CPEB1: variants seen among roughly 807,000 people sequenced by gnomAD.
CPEB1 encodes the protein cytoplasmic polyadenylation element binding protein 1.
Under a neutral mutation model 65.8 loss-of-function variants are expected in CPEB1, and 7 were observed. That is an observed-to-expected ratio of 0.11 (90% CI 0.06 to 0.20). The LOEUF (loss-of-function observed/expected upper bound fraction) is 0.20, where lower values mean the gene tolerates loss of function less well. Ranked by LOEUF, CPEB1 falls within the 10% of genes least tolerant of loss-of-function variation. The probability of loss-of-function intolerance (pLI) is 1.00; values close to 1 mark genes in which losing one functional copy is unlikely to be tolerated. For synonymous variants in CPEB1, 262 were observed against 260.0 expected (o/e 1.01, Z -0.08); for missense variants, 551 against 712.2 (o/e 0.77, Z 2.58).
intron 4 of CPEB1, among the ~76,000 whole-genome samples, chr15:82,567,014 C>T (rs2039242711): frequency 6.6e-6 from 1 of 152,138 alleles, no homozygotes; most frequent in Admixed American, 6.5e-5. Context: ...AACACAGTGG[C>T]TCAGCACTCA....
At chr15:82,628,012 T>G in intron 2 of CPEB1, 2 of 579,106 alleles carry the variant, frequency 3.5e-6, no homozygotes, top group South Asian at 4.8e-5. Flanking sequence ...TAAGTCAGCC[T>G]CCAGATCAAG....
rs2045092636 is a variant in CPEB1, at chr15:82,619,497, G to A, written c.271+7696C>T. ...AAAAGACGCCAATTAAGAGTACAAAGACAAATCACAGACTCAAAGAAAATA... is the reference window on the plus strand; with the variant it reads ...AAAAGACGCCAATTAAGAGTACAAAAACAAATCACAGACTCAAAGAAAATA... On this transcript the variant is annotated intron_variant, in intron 3 of 12. Coordinates refer to ENST00000684509, the MANE Select transcript of CPEB1 (RefSeq NM_001365242.1). Among the ~76,000 whole-genome samples, 3 of 152,208 alleles carry A rather than the reference G, an allele frequency of 2.0e-5. No individual in the cohort carries two copies. In the South Asian group the frequency reaches 6.2e-4, roughly 32 times the overall value.
intron 3 of CPEB1, among the ~76,000 whole-genome samples, chr15:82,598,534 C>T: frequency 6.7e-6 from 1 of 149,762 alleles, no homozygotes; most frequent in African/African-American, 2.5e-5. Context: ...CCTATAATCT[C>T]AGTATTTTGG....
chr15:82,607,975 A>G (rs2043783627), intron 3 of CPEB1, among the ~76,000 whole-genome samples: 1 of 152,192 alleles, frequency 6.6e-6, no homozygotes. Flanking sequence ...AGTCTTTGAC[A>G]AGGGGCCCAG....
intron 3 of CPEB1, chr15:82,573,260 T>C (rs938581509): frequency 2.7e-6 from 3 of 1,122,028 alleles, no homozygotes; most frequent in Admixed American, 2.8e-5. Context: ...AAAGCTTTGC[T>C]GCTGTGTCAT....
At chr15:82,625,539 A>C (rs2045686011) in intron 3 of CPEB1, among the ~76,000 whole-genome samples, 2 of 152,234 alleles carry the variant, frequency 1.3e-5, no homozygotes, top group African/African-American at 2.4e-5. Flanking sequence ...CAGGACCCCC[A>C]GAGTATACCA....
intron 4 of CPEB1, among the ~76,000 whole-genome samples, chr15:82,560,769 T>A (rs2038060799): frequency 6.6e-6 from 1 of 152,146 alleles, no homozygotes; most frequent in African/African-American, 2.4e-5. Context: ...CAAAGAAGGC[T>A]GACCAGGGAA....
intron 3 of CPEB1, among the ~76,000 whole-genome samples, chr15:82,588,589 G>C (rs1225856792): frequency 6.6e-6 from 1 of 152,052 alleles, no homozygotes; most frequent in East Asian, 1.9e-4. Context: ...GAGCATTCAG[G>C]CTGCTTCTAG....
intron 3 of CPEB1, among the ~76,000 whole-genome samples, chr15:82,621,759 T>C (rs2045323655): frequency 1.3e-5 from 2 of 152,240 alleles, no homozygotes; most frequent in Non-Finnish European, 2.9e-5. Flanking sequence ...TCTTCGCCTA[T>C]GATACAGCAT....
chr15:82,545,134 CT>C (rs2034936869), intron 12 of CPEB1, among the ~76,000 whole-genome samples: 1 of 152,186 alleles, frequency 6.6e-6, no homozygotes, highest in Admixed American at 6.5e-5. Flanking sequence ...GGAGAGGTGA[CT>C]GGGTTTCTCA....
At chr15:82,584,258 CAAAAAAA>C (rs71156038) in intron 3 of CPEB1, among the ~76,000 whole-genome samples, 2 of 53,288 alleles carry the variant, frequency 3.8e-5, no homozygotes, top group Non-Finnish European at 6.5e-5. Context: ...GACTCCGTCT[CAAAAAAA>C]AAAAAAAAAA....
chr15:82,549,475 G>A lies in CPEB1; in HGVS notation c.1465C>T (p.His489Tyr). The A allele has an allele frequency of 6.2e-7, 1 of 1,614,194 alleles. No homozygotes were observed. ...GGACACTTACCAATGGGATACTTGT[G>A]CTTATCTGTGTCAATCCCGGCATAC... ...VVYAGIDTDK[H>Y]KYPIGSGRVT... The change falls in exon 10 of 13, where the codon CAC becomes TAC. Residue 489 changes from histidine (H) to tyrosine (Y), a missense_variant. Physicochemically the swap from His to Tyr is moderately conservative, Grantham distance 83. Coordinates refer to ENST00000684509, the MANE Select transcript of CPEB1 (RefSeq NM_001365242.1).
intron 10 of CPEB1, among the ~76,000 whole-genome samples, chr15:82,548,342 AATTTT>A (rs1006628821): frequency 1.3e-5 from 2 of 152,174 alleles, no homozygotes; most frequent in Admixed American, 1.3e-4. Flanking sequence ...TCAAAAAAAA[AATTTT>A]ATTTAACCCT....
At chr15:82,611,026 C>T (rs1199100082) in intron 3 of CPEB1, among the ~76,000 whole-genome samples, 1 of 137,482 alleles carries the variant, frequency 7.3e-6, no homozygotes, top group Non-Finnish European at 1.6e-5. Flanking sequence ...TGATAAAGGG[C>T]TCCTACAAAA....
At chr15:82,558,077 T>C (rs1310024925) in intron 4 of CPEB1, 91 bp from the exon 5 acceptor site, 27 of 848,704 alleles carry the variant, frequency 3.2e-5, no homozygotes, top group East Asian at 2.0e-4. Flanking sequence ...CAACAAGAGA[T>C]ACCAAAGGCA....
In CPEB1 at chr15:82,626,188, C is replaced by G. The variant is rs151299392; in HGVS notation, c.271+1005G>C. ...CAGTGGCTCACACCTATAATCCCAG[C>G]ACTTTGGGAGGCCAAGGCACGCAGA... On this transcript the variant is annotated intron_variant, in intron 3 of 12. Transcript: ENST00000684509. 7.5e-3 allele frequency among the ~76,000 whole-genome samples: 1,137 copies of G among 151,990 alleles called. 13 individuals carry two copies. Among genetic ancestry groups the G allele is most frequent in the Non-Finnish European group, 8.4e-3 (573 of 67,980 alleles).
chr15:82,569,543 G>A (rs1331995016), intron 4 of CPEB1, among the ~76,000 whole-genome samples: 1 of 152,198 alleles, frequency 6.6e-6, no homozygotes, highest in East Asian at 1.9e-4. Context: ...CTATTTCAGA[G>A]ACAAACAGCT....
At chr15:82,613,955 C>T (rs1208463046) in intron 3 of CPEB1, among the ~76,000 whole-genome samples, 2 of 150,696 alleles carry the variant, frequency 1.3e-5, no homozygotes, top group Non-Finnish European at 3.0e-5. Flanking sequence ...TCTTCAGCCT[C>T]GCTGCTTCTG....
At chr15:82,580,374 G>C (rs1053797358) in intron 3 of CPEB1, among the ~76,000 whole-genome samples, 2 of 151,136 alleles carry the variant, frequency 1.3e-5, no homozygotes, top group African/African-American at 4.9e-5. Flanking sequence ...GTTTCCCCCT[G>C]TTAAAGAACT....
Sources: gnomAD v4.1 joint callset for allele counts (sites outside exome capture counted in the v4.1 genomes callset) on GRCh38, gnomAD v4.1.1 for gene constraint, MANE v1.5 for transcripts, NCBI Gene and HGNC (gene_info 2026-07-23, HGNC 2026-07-21) for gene names.